Variants in MARCHF3 observed in about 807,000 individuals in gnomAD.
MARCHF3 encodes membrane associated ring-CH-type finger 3.
In MARCHF3, 13 loss-of-function variants were observed where a neutral mutation model predicts 24.2. That is an observed-to-expected ratio of 0.54 (90% CI 0.35 to 0.85). MARCHF3 has a LOEUF of 0.85. MARCHF3 is among the 40% of genes least tolerant of loss of function. The pLI is 0.01. For synonymous variants in MARCHF3, 144 were observed against 137.3 expected (o/e 1.05, Z -0.34); for missense variants, 276 against 325.0 (o/e 0.85, Z 1.16).
At chr5:126,928,160 A>G (rs1749357476) in intron 1 of MARCHF3, among the ~76,000 whole-genome samples, 1 of 152,196 alleles carries the variant, frequency 6.6e-6, no homozygotes, top group African/African-American at 2.4e-5. Flanking sequence ...CATTTGTTTT[A>G]TGGGCTAAAA....
intron 1 of MARCHF3, among the ~76,000 whole-genome samples, chr5:127,019,968 T>G (rs566436449): frequency 3.3e-5 from 5 of 152,212 alleles, no homozygotes; most frequent in Non-Finnish European, 7.3e-5. Context: ...GGATAGGAGA[T>G]GAGACAGCTT....
chr5:126,956,274 T>G (rs1429805618), intron 1 of MARCHF3, among the ~76,000 whole-genome samples: 5 of 152,178 alleles, frequency 3.3e-5, no homozygotes, highest in African/African-American at 1.2e-4. Flanking sequence ...CCTCTTTGTT[T>G]ATAAATGAAG....
At chr5:126,980,520 A>G (rs1005077967) in intron 1 of MARCHF3, among the ~76,000 whole-genome samples, 2 of 151,954 alleles carry the variant, frequency 1.3e-5, no homozygotes, top group African/African-American at 2.4e-5. Flanking sequence ...ACAGGTGCGC[A>G]CCACCAGGCT....
intron 1 of MARCHF3, among the ~76,000 whole-genome samples, chr5:126,954,070 G>A (rs1191606964): frequency 2.0e-5 from 3 of 151,126 alleles, no homozygotes; most frequent in East Asian, 3.9e-4. Context: ...TTTTTGAGAC[G>A]GAGTCTCACC....
chr5:126,931,570 TACACACACACACACAC>T (rs57567399), intron 1 of MARCHF3, among the ~76,000 whole-genome samples: 1 of 142,780 alleles, frequency 7.0e-6, no homozygotes, highest in South Asian at 2.4e-4. Flanking sequence ...CATACATGAA[TACACACACACACACAC>T]ACACACACAC....
At chr5:127,024,085 G>A (rs1228488355) in intron 1 of MARCHF3, among the ~76,000 whole-genome samples, 1 of 152,186 alleles carries the variant, frequency 6.6e-6, no homozygotes, top group African/African-American at 2.4e-5. Context: ...CTAGCCTAGG[G>A]TGGGAGTTGA....
Position 126,868,649 on chromosome 5 carries a change from C to T in MARCHF3, c.*1984G>A, listed in dbSNP as rs1055942968. ...CTGCTTCCTTAATTCATGCAAGAAA[C>T]AGGGAGAAGGGGTATGGTCCTCTCA... On this transcript the variant is annotated 3_prime_UTR_variant, in exon 5 of 5. Transcript: ENST00000308660. The T allele has an allele frequency of 6.6e-6, 1 of 152,134 alleles. No individual in the cohort carries two copies. The highest frequency in any genetic ancestry group is 2.4e-5 in the African/African-American group (1 of 41,420). 9.4% of individuals were successfully genotyped at this position (152,134 alleles called of 1,614,324 possible). A position where few individuals can be genotyped will look rare whatever the true frequency, so the allele number is the denominator to read the frequency against.
intron 2 of MARCHF3, among the ~76,000 whole-genome samples, chr5:126,917,199 A>G (rs1224923491): frequency 2.0e-5 from 3 of 152,188 alleles, no homozygotes; most frequent in Non-Finnish European, 4.4e-5. Flanking sequence ...TTTTAAATGC[A>G]TAGGTTAGAA....
At chr5:126,980,971 A>C (rs1751374736) in intron 1 of MARCHF3, among the ~76,000 whole-genome samples, 1 of 152,230 alleles carries the variant, frequency 6.6e-6, no homozygotes, top group African/African-American at 2.4e-5. Flanking sequence ...AGTCAAGAGC[A>C]GTTGTATGTG....
chr5:126,875,239 T>C (rs1753108809), intron 4 of MARCHF3, among the ~76,000 whole-genome samples: 1 of 152,218 alleles, frequency 6.6e-6, no homozygotes, highest in South Asian at 2.1e-4. Flanking sequence ...ACCAAGGCCC[T>C]GGCCTCCTGG....
At chr5:126,915,277 G>A in intron 2 of MARCHF3, 143 bp from the exon 3 acceptor site, 2 of 744,252 alleles carry the variant, frequency 2.7e-6, no homozygotes, top group Middle Eastern at 7.8e-4. Context: ...CTTGGCAATG[G>A]GGCAAATGAT....
chr5:126,934,267 AC>A (rs1183157664), intron 1 of MARCHF3, among the ~76,000 whole-genome samples: 2 of 152,156 alleles, frequency 1.3e-5, no homozygotes, highest in Non-Finnish European at 2.9e-5. Flanking sequence ...ATATTTGCTG[AC>A]TCACTAAATG....
At chr5:126,959,046 A>C (rs1018763489) in intron 1 of MARCHF3, among the ~76,000 whole-genome samples, 1 of 152,196 alleles carries the variant, frequency 6.6e-6, no homozygotes, top group Non-Finnish European at 1.5e-5. Flanking sequence ...ATTTATGTGG[A>C]CACTGACCAA....
intron 3 of MARCHF3, among the ~76,000 whole-genome samples, chr5:126,912,165 A>G (rs1359980721): frequency 2.0e-5 from 3 of 152,240 alleles, no homozygotes; most frequent in African/African-American, 4.8e-5. Flanking sequence ...GTTCCTGCCC[A>G]GTTAAAAATG....
chr5:127,006,844 C>T (rs1024289857), intron 1 of MARCHF3, among the ~76,000 whole-genome samples: 5 of 152,130 alleles, frequency 3.3e-5, no homozygotes, highest in African/African-American at 9.7e-5. Flanking sequence ...AGTAACGTCC[C>T]GCAGCCTTTT....
intron 3 of MARCHF3, among the ~76,000 whole-genome samples, chr5:126,903,076 T>C (rs1330997507): frequency 6.6e-6 from 1 of 152,126 alleles, no homozygotes; most frequent in East Asian, 1.9e-4. Context: ...AGCTCACTTA[T>C]AATGTGGGCA....
intron 1 of MARCHF3, among the ~76,000 whole-genome samples, chr5:126,942,221 T>C (rs1352939838): frequency 6.6e-6 from 1 of 152,212 alleles, no homozygotes; most frequent in Non-Finnish European, 1.5e-5. Context: ...AGAGAATCTA[T>C]TAGTTATTCT....
At chr5:127,026,310 C>A (rs886499113) in intron 1 of MARCHF3, among the ~76,000 whole-genome samples, 2 of 151,670 alleles carry the variant, frequency 1.3e-5, no homozygotes, top group Non-Finnish European at 2.9e-5. Flanking sequence ...TAAAAGCAAC[C>A]CTATTTTGCC....
chr5:126,925,279 C>T (rs1252525850), intron 1 of MARCHF3, among the ~76,000 whole-genome samples: 1 of 152,096 alleles, frequency 6.6e-6, no homozygotes, highest in Non-Finnish European at 1.5e-5. Flanking sequence ...GGGAGAGTTA[C>T]CATAATATGT....
Sources: allele counts gnomAD v4.1 joint callset (sites outside exome capture counted in the v4.1 genomes callset), GRCh38; gene constraint gnomAD v4.1.1; transcripts MANE v1.5; gene names NCBI Gene and HGNC (gene_info 2026-07-23, HGNC 2026-07-21).